Variants in NOX4 observed in about 807,000 individuals in gnomAD.
NOX4 encodes NADPH oxidase 4.
Under a neutral mutation model 87.6 loss-of-function variants are expected in NOX4, and 69 were observed. That is an observed-to-expected ratio of 0.79 (90% confidence interval 0.65 to 0.96). NOX4 has a LOEUF of 0.96. Among genes scored for constraint, NOX4 ranks in the 40% least tolerant of loss-of-function variants. The pLI is 0.00. For missense variants in NOX4, 680 were observed against 681.5 expected (o/e 1.00, Z 0.02); for synonymous variants, 275 against 238.2 (o/e 1.15, Z -1.42).
the NOX4 span, among the ~76,000 whole-genome samples, chr11:89,587,505 C>T: frequency 6.6e-6 from 1 of 151,848 alleles, no homozygotes; most frequent in Non-Finnish European, 1.5e-5. Context: ...CAGATGAACG[C>T]AATCAGAGGG....
intron 13 of NOX4, among the ~76,000 whole-genome samples, chr11:89,351,390 G>A (rs1946450360): frequency 6.6e-6 from 1 of 152,194 alleles, no homozygotes; most frequent in Non-Finnish European, 1.5e-5. Context: ...TGATGGAGAA[G>A]CTGCAGTATA....
At chr11:89,577,730 T>C in the NOX4 span, 1 of 152,188 alleles carries the variant, frequency 6.6e-6, no homozygotes. Flanking sequence ...CTATGTCTTA[T>C]CCTCTGCAAT....
chr11:89,571,264 A>G, the NOX4 span, among the ~76,000 whole-genome samples: 25 of 151,328 alleles, frequency 1.7e-4, no homozygotes, highest in Non-Finnish European at 3.4e-4. Context: ...GTAGTTCTAC[A>G]TTTTAAAATA....
chr11:89,416,410 A>G (rs1346833743), intron 8 of NOX4, among the ~76,000 whole-genome samples: 1 of 152,218 alleles, frequency 6.6e-6, no homozygotes, highest in African/African-American at 2.4e-5. Context: ...GTGTGGGTGA[A>G]GGAAGACTTC....
intron 2 of NOX4, among the ~76,000 whole-genome samples, chr11:89,486,571 T>C (rs1290073990): frequency 2.2e-5 from 3 of 135,788 alleles, no homozygotes; most frequent in Non-Finnish European, 3.1e-5. Flanking sequence ...TATATATACA[T>C]ATATATGTGT....
chr11:89,464,485 C>T (rs1945595606), intron 2 of NOX4, among the ~76,000 whole-genome samples: 1 of 152,148 alleles, frequency 6.6e-6, no homozygotes, highest in Non-Finnish European at 1.5e-5. Flanking sequence ...CTAGTTACTA[C>T]ATGAGCAATA....
the NOX4 span, among the ~76,000 whole-genome samples, chr11:89,565,460 C>T: frequency 6.6e-6 from 1 of 152,024 alleles, no homozygotes; most frequent in Non-Finnish European, 1.5e-5. Context: ...TTATTGCTTT[C>T]TTTCAACCTT....
the NOX4 span, among the ~76,000 whole-genome samples, chr11:89,536,517 T>C: frequency 6.6e-6 from 1 of 152,222 alleles, no homozygotes; most frequent in Non-Finnish European, 1.5e-5. Context: ...ACTTTAGTTA[T>C]CTAAAGTGTT....
intron 8 of NOX4, among the ~76,000 whole-genome samples, chr11:89,414,084 A>C (rs1942630208): frequency 2.6e-5 from 4 of 152,038 alleles, no homozygotes; most frequent in Admixed American, 2.0e-4. Flanking sequence ...TTTATTGCAC[A>C]AATCAGGAAG....
chr11:89,449,457 GT>G lies in NOX4; in HGVS notation c.331del (p.Thr111LeufsTer15), dbSNP rs891581687. ...TTTCTCACCTGAGAAAATACAGATA[GT>G]AACACCACAGGTAATATGGAATGTT... ...SRTFHITCGV[T>X]ICIFSGVHVA... On this transcript the variant is annotated frameshift_variant, in exon 4 of 18. Transcript: ENST00000263317. LOFTEE classifies it high-confidence loss of function. 6 of 1,608,944 alleles carry G rather than the reference GT, an allele frequency of 3.7e-6. No homozygotes were observed. The highest frequency in any genetic ancestry group is 5.1e-6 in the Non-Finnish European group (6 of 1,176,992).
At chr11:89,479,601 A>G (rs1296024943) in intron 2 of NOX4, among the ~76,000 whole-genome samples, 1 of 152,206 alleles carries the variant, frequency 6.6e-6, no homozygotes, top group Non-Finnish European at 1.5e-5. Flanking sequence ...GAGACCTTGA[A>G]CAATCCTTTC....
chr11:89,421,433 A>G (rs923213101), intron 8 of NOX4, among the ~76,000 whole-genome samples: 1 of 151,972 alleles, frequency 6.6e-6, no homozygotes, highest in Non-Finnish European at 1.5e-5. Context: ...TGATTTTGAC[A>G]GATCCTTTTC....
At chr11:89,394,500 T>A (rs945227321) in intron 11 of NOX4, among the ~76,000 whole-genome samples, 7 of 151,372 alleles carry the variant, frequency 4.6e-5, no homozygotes, top group African/African-American at 1.5e-4. Flanking sequence ...ATTTCTGAAG[T>A]AATTTTTTTA....
At chr11:89,565,333 G>C in the NOX4 span, among the ~76,000 whole-genome samples, 2 of 151,818 alleles carry the variant, frequency 1.3e-5, no homozygotes, top group African/African-American at 4.8e-5. Flanking sequence ...ATAAAGTTTT[G>C]ATGTATTACC....
rs1267918595 is a variant in NOX4 at position 89,449,466 on chromosome 11, C to T, written c.323G>A (p.Cys108Tyr). The T allele has an allele frequency of 6.2e-7, 1 of 1,611,452 alleles. No individual in the cohort carries two copies. The highest frequency in any genetic ancestry group is 2.2e-5 in the East Asian group (1 of 44,702). Residue 108 changes from cysteine to tyrosine, a missense_variant, in exon 4 of 18, where the codon TGT becomes TAT. By Grantham distance (194) the Cys-to-Tyr change is radical (BLOSUM62 -2). Transcript: ENST00000263317. ...LDKSRTFHIT[C>Y]GVTICIFSGV... ...TGAGAAAATACAGATAGTAACACCACAGGTAATATGGAATGTTCTGCTTTT... is the reference window on the plus strand; with the variant it reads ...TGAGAAAATACAGATAGTAACACCATAGGTAATATGGAATGTTCTGCTTTT...
chr11:89,481,894 G>A (rs773213759), intron 2 of NOX4, among the ~76,000 whole-genome samples: 1 of 152,098 alleles, frequency 6.6e-6, no homozygotes, highest in Non-Finnish European at 1.5e-5. Flanking sequence ...CTAGGGCTAC[G>A]ACGACTGCTA....
intron 13 of NOX4, among the ~76,000 whole-genome samples, chr11:89,354,060 G>A (rs1937789061): frequency 6.6e-6 from 1 of 152,118 alleles, no homozygotes; most frequent in South Asian, 2.1e-4. Flanking sequence ...GTATTAGAGG[G>A]AAAATAATTT....
At chr11:89,337,252 GAGA>G (rs1945756214) in intron 16 of NOX4, among the ~76,000 whole-genome samples, 192 bp downstream of exon 16, 1 of 152,004 alleles carries the variant, frequency 6.6e-6, no homozygotes, top group Admixed American at 6.6e-5. Context: ...AGCTCCCTGT[GAGA>G]AGGACAAATG....
At chr11:89,491,028 G>GA in intron 1 of NOX4, 162 bp downstream of exon 1, 1 of 776,700 alleles carries the variant, frequency 1.3e-6, no homozygotes, top group Non-Finnish European at 2.2e-6. Flanking sequence ...GTGGGAGGGG[G>GA]AGTGTTCATT....
Sources: allele counts gnomAD v4.1 joint callset (sites outside exome capture counted in the v4.1 genomes callset), GRCh38; gene constraint gnomAD v4.1.1; transcripts MANE v1.5; gene names NCBI Gene and HGNC (gene_info 2026-07-23, HGNC 2026-07-21).